Variants in RNF182 observed in about 807,000 individuals in gnomAD.
RNF182 encodes E3 ubiquitin-protein ligase RNF182.
In RNF182, 15 loss-of-function variants were observed where a neutral mutation model predicts 14.4. The ratio of observed to expected loss-of-function variants is 1.04; its 90% confidence interval spans 0.70 to 1.60. RNF182 has a LOEUF of 1.60. Among genes scored for constraint, RNF182 ranks in the 40% most tolerant of loss-of-function variants. The probability of loss-of-function intolerance (pLI) is 0.00; values close to 1 mark genes in which losing one functional copy is unlikely to be tolerated. For synonymous variants in RNF182, 128 were observed against 122.9 expected (o/e 1.04, Z -0.27); for missense variants, 268 against 294.8 (o/e 0.91, Z 0.67).
At chr6:13,931,784 A>G (rs1007654572) in intron 1 of RNF182, among the ~76,000 whole-genome samples, 3 of 152,044 alleles carry the variant, frequency 2.0e-5, no homozygotes, top group African/African-American at 7.2e-5. Flanking sequence ...CGTTACTGCA[A>G]TGGACAGCAT....
intron 1 of RNF182, chr6:13,949,768 C>T (rs192264017): frequency 3.7e-4 from 63 of 170,780 alleles, no homozygotes; most frequent in Admixed American, 6.5e-4. Context: ...ATTGTACCAA[C>T]GAATAGGTAA....
intron 1 of RNF182, among the ~76,000 whole-genome samples, chr6:13,934,658 A>G (rs1759062079): frequency 6.6e-6 from 1 of 152,240 alleles, no homozygotes; most frequent in South Asian, 2.1e-4. Context: ...TGATCCACGC[A>G]TGAGCTCTTA....
intron 1 of RNF182, among the ~76,000 whole-genome samples, chr6:13,935,336 C>T (rs969560496): frequency 1.6e-4 from 24 of 151,724 alleles, no homozygotes; most frequent in African/African-American, 5.1e-4. Context: ...AAGTTGTAAT[C>T]CCTGTGTTGT....
At position 13,932,056 on chromosome 6, in the gene RNF182, G is replaced by T. The variant is rs532690711; in HGVS notation, c.-367+7033G>T. Reference sequence around the variant, plus strand: ...CAGCACCTTAATCTTGGACTTCCCAGTTCCCAGAACAGTGATGAAGAAATT... The same window carrying T: ...CAGCACCTTAATCTTGGACTTCCCATTTCCCAGAACAGTGATGAAGAAATT... On this transcript the variant is annotated intron_variant, in intron 1 of 2. Transcript: ENST00000488300. Among the ~76,000 whole-genome samples the T allele has an allele frequency of 1.2e-4, 18 of 152,280 alleles. No homozygotes were observed. In the South Asian group the frequency reaches 3.7e-3, roughly 32 times the overall value.
upstream of RNF182, chr6:13,924,845 G>GA (rs1758769550): frequency 6.6e-6 from 1 of 150,838 alleles, no homozygotes; most frequent in Non-Finnish European, 1.5e-5. Flanking sequence ...AGGGCCGGGG[G>GA]GGCCCCGGCG....
chr6:13,977,952 T>C lies in RNF182; in HGVS notation c.*89T>C, dbSNP rs1760383307. 1 of 1,335,918 alleles carries C rather than the reference T, an allele frequency of 7.5e-7. No individual in the cohort carries two copies. The highest frequency in any genetic ancestry group is 1.5e-5 in the South Asian group (1 of 64,566). The allele number at this position is 1,335,918 out of a possible 1,614,324, so 82.8% of individuals were successfully genotyped here. A position where few individuals can be genotyped will look rare whatever the true frequency, so the allele number is the denominator to read the frequency against. On this transcript the variant is annotated 3_prime_UTR_variant, in exon 3 of 3. Coordinates refer to ENST00000488300, the MANE Select transcript of RNF182 (RefSeq NM_152737.4). ...ATAATTTATTTTCTTTTATGTTCTTTATGATTAGTATCCATGACATTAACA... is the reference window on the plus strand; with the variant it reads ...ATAATTTATTTTCTTTTATGTTCTTCATGATTAGTATCCATGACATTAACA...
At chr6:13,953,011 G>A (rs572625780) in intron 1 of RNF182, among the ~76,000 whole-genome samples, 39 of 152,304 alleles carry the variant, frequency 2.6e-4, no homozygotes, top group African/African-American at 7.9e-4. Context: ...TTTTGAGATG[G>A]AATGTTACTG....
intron 1 of RNF182, among the ~76,000 whole-genome samples, chr6:13,952,584 T>A (rs1448078878): frequency 6.6e-6 from 1 of 152,146 alleles, no homozygotes; most frequent in Non-Finnish European, 1.5e-5. Context: ...ATTGGTGCTG[T>A]GCAGACGATT....
chr6:13,969,806 G>A (rs1439729288), intron 1 of RNF182, among the ~76,000 whole-genome samples: 3 of 151,758 alleles, frequency 2.0e-5, no homozygotes, highest in East Asian at 3.9e-4. Context: ...CTTATAAAAG[G>A]ATGAAAGACT....
intron 1 of RNF182, among the ~76,000 whole-genome samples, chr6:13,951,173 G>A (rs981932755): frequency 5.3e-5 from 8 of 152,108 alleles, no homozygotes; most frequent in South Asian, 2.1e-4. Flanking sequence ...ATAAATACAC[G>A]GAGAGATGGA....
chr6:13,966,831 C>CGTATGT (rs534417293), intron 1 of RNF182, among the ~76,000 whole-genome samples: 25 of 98,970 alleles, frequency 2.5e-4, no homozygotes, highest in African/African-American at 6.3e-4. Context: ...TGTGCGCGTG[C>CGTATGT]GTGTGTGTGT....
At chr6:13,933,145 G>A (rs1469747704) in intron 1 of RNF182, among the ~76,000 whole-genome samples, 1 of 152,164 alleles carries the variant, frequency 6.6e-6, no homozygotes, top group Non-Finnish European at 1.5e-5. Flanking sequence ...CATAACAATA[G>A]GAGACTCCAA....
intron 1 of RNF182, among the ~76,000 whole-genome samples, chr6:13,937,231 C>T (rs905974887): frequency 1.3e-5 from 2 of 152,170 alleles, no homozygotes; most frequent in Non-Finnish European, 2.9e-5. Context: ...AGCTTTTATG[C>T]ATTTTCAAGT....
In RNF182 at chr6:13,967,281, A is replaced by G. The variant is rs138096303; in HGVS notation, c.-366-6929A>G. 2.7e-3 allele frequency among the ~76,000 whole-genome samples: 412 copies of G among 152,370 alleles called. 4 individuals carry two copies. Among genetic ancestry groups the G allele is most frequent in the African/African-American group, 9.4e-3 (392 of 41,594 alleles). On this transcript the variant is annotated intron_variant, in intron 1 of 2. Coordinates refer to ENST00000488300, the MANE Select transcript of RNF182 (RefSeq NM_152737.4). ...AAAGGTTGATATTTAAGTTAAAGGC[A>G]TAAATAGGATAAGGAAAGACATTAT... is the stretch of plus-strand genomic sequence containing the variant.
At chr6:13,940,642 G>C (rs1008860811) in intron 1 of RNF182, among the ~76,000 whole-genome samples, 3 of 151,314 alleles carry the variant, frequency 2.0e-5, no homozygotes, top group Non-Finnish European at 3.0e-5. Context: ...AATATTTTTG[G>C]CTTTAGGTTT....
chr6:13,947,239 G>C (rs978204315), intron 1 of RNF182, among the ~76,000 whole-genome samples: 1 of 152,028 alleles, frequency 6.6e-6, no homozygotes, highest in African/African-American at 2.4e-5. Flanking sequence ...GAATAAGCAG[G>C]GTCAGTCTAA....
chr6:13,966,814 TTG>T (rs1760042969), intron 1 of RNF182, among the ~76,000 whole-genome samples: 1 of 117,558 alleles, frequency 8.5e-6, no homozygotes, highest in Admixed American at 9.7e-5. Flanking sequence ...GTATGCTGTT[TTG>T]TGTGTGTGCG....
At chr6:13,927,279 A>G (rs59178279) in intron 1 of RNF182, among the ~76,000 whole-genome samples, 27,691 of 152,170 alleles carry the variant, frequency 0.18, 2,722 homozygotes, top group Non-Finnish European at 0.21. Flanking sequence ...AAAAAATACT[A>G]TGATATCTGC....
At chr6:13,936,037 A>G (rs1759100442) in intron 1 of RNF182, among the ~76,000 whole-genome samples, 1 of 152,250 alleles carries the variant, frequency 6.6e-6, no homozygotes, top group South Asian at 2.1e-4. Flanking sequence ...TTACATGGCC[A>G]GAGCAGGAAG....
Sources: allele counts gnomAD v4.1 joint callset (sites outside exome capture counted in the v4.1 genomes callset), GRCh38; gene constraint gnomAD v4.1.1; transcripts MANE v1.5; gene names NCBI Gene and HGNC (gene_info 2026-07-23, HGNC 2026-07-21).